TENM3: variants seen among roughly 807,000 people sequenced by gnomAD.
TENM3 encodes teneurin transmembrane protein 3.
A neutral mutation model predicts 255.1 loss-of-function variants in TENM3; 63 were observed. That is an observed-to-expected ratio of 0.25 (90% CI 0.20 to 0.30). The LOEUF is 0.30. Among genes scored for constraint, TENM3 ranks in the 10% least tolerant of loss-of-function variants. The pLI is 1.00. For synonymous variants in TENM3, 1,306 were observed against 1,322.3 expected, an observed-to-expected ratio of 0.99 and a Z score of 0.27; for missense variants, 2,929 against 3,461.1, an observed-to-expected ratio of 0.85 and a Z score of 3.86.
At chr4:181,721,645 A>G in the TENM3 span, among the ~76,000 whole-genome samples, 6 of 150,664 alleles carry the variant, frequency 4.0e-5, no homozygotes, top group Admixed American at 1.3e-4. Context: ...TGGGTAGGGT[A>G]AGATCTGGGG....
chr4:181,548,503 T>G, the TENM3 span, among the ~76,000 whole-genome samples: 14 of 152,270 alleles, frequency 9.2e-5, no homozygotes, highest in East Asian at 2.7e-3. Flanking sequence ...TATCCCAACT[T>G]TTTAACATTT....
chr4:182,226,880 G>C (rs966075616), intron 1 of TENM3, among the ~76,000 whole-genome samples: 2 of 152,108 alleles, frequency 1.3e-5, no homozygotes, highest in Non-Finnish European at 2.9e-5. Context: ...ATATTCACCT[G>C]ACCCATACAT....
At chr4:182,273,592 C>G (rs910902160) in intron 1 of TENM3, among the ~76,000 whole-genome samples, 1 of 152,114 alleles carries the variant, frequency 6.6e-6, no homozygotes, top group Admixed American at 6.5e-5. Flanking sequence ...TTGATTGTAC[C>G]GCATTTCATT....
chr4:181,671,390 A>G, the TENM3 span, among the ~76,000 whole-genome samples: 2 of 152,182 alleles, frequency 1.3e-5, no homozygotes, highest in Non-Finnish European at 2.9e-5. Context: ...GTTTCAGATC[A>G]TCTGGATCTC....
chr4:182,362,054 T>C (rs1209175470), intron 3 of TENM3, among the ~76,000 whole-genome samples: 2 of 152,188 alleles, frequency 1.3e-5, no homozygotes, highest in African/African-American at 4.8e-5. Flanking sequence ...CCGCGAAAGC[T>C]GCTGTCTGAT....
At chr4:182,137,678 TTCTC>T in the TENM3 span, among the ~76,000 whole-genome samples, 1 of 152,336 alleles carries the variant, frequency 6.6e-6, no homozygotes, top group South Asian at 2.1e-4. Context: ...TTGTCTGCCT[TTCTC>T]TCTCGGAGCA....
chr4:181,476,204 GGGTT>G, the TENM3 span, among the ~76,000 whole-genome samples: 1 of 7,224 alleles, frequency 1.4e-4, no homozygotes. Flanking sequence ...GACATTTTAG[GGGTT>G]TTTTTTTTTT....
chr4:182,734,215 A>G (rs747870711), intron 16 of TENM3, among the ~76,000 whole-genome samples: 1 of 152,160 alleles, frequency 6.6e-6, no homozygotes, highest in African/African-American at 2.4e-5. Context: ...AGAGGGAGGA[A>G]AGCACGTTTC....
chr4:182,681,408 G>T (rs1180537354), intron 10 of TENM3, among the ~76,000 whole-genome samples: 3 of 152,184 alleles, frequency 2.0e-5, no homozygotes, highest in Non-Finnish European at 4.4e-5. Context: ...GAATTAAGAA[G>T]GATAGAGAGT....
the TENM3 span, among the ~76,000 whole-genome samples, chr4:181,532,637 G>T: frequency 6.6e-6 from 1 of 152,084 alleles, no homozygotes; most frequent in Admixed American, 6.5e-5. Context: ...TTCTGAGTGT[G>T]CCCCTATTTT....
At chr4:182,488,284 A>G (rs1033552034) in intron 3 of TENM3, among the ~76,000 whole-genome samples, 2 of 152,174 alleles carry the variant, frequency 1.3e-5, no homozygotes, top group Non-Finnish European at 2.9e-5. Flanking sequence ...CCAAATCGAA[A>G]GAGGGTTCTA....
intron 3 of TENM3, among the ~76,000 whole-genome samples, chr4:182,374,826 G>A (rs1249248333): frequency 6.6e-6 from 1 of 152,156 alleles, no homozygotes; most frequent in African/African-American, 2.4e-5. Context: ...CAGGACAGAA[G>A]TTGCATCAAC....
At chr4:182,128,200 C>T in the TENM3 span, among the ~76,000 whole-genome samples, 8 of 151,746 alleles carry the variant, frequency 5.3e-5, no homozygotes, top group East Asian at 1.5e-3. Context: ...ATATGGTAAT[C>T]CATTTTCCAA....
At chr4:182,745,343 A>G (rs1055814975) in intron 19 of TENM3, among the ~76,000 whole-genome samples, 1 of 152,218 alleles carries the variant, frequency 6.6e-6, no homozygotes, top group African/African-American at 2.4e-5. Context: ...AAGCTCTGCT[A>G]TTAGAAACCA....
chr4:182,050,627 A>G, the TENM3 span, among the ~76,000 whole-genome samples: 1 of 152,178 alleles, frequency 6.6e-6, no homozygotes, highest in East Asian at 2.0e-4. Context: ...AACGTGGCAA[A>G]ACTCCATCTC....
intron 2 of TENM3, among the ~76,000 whole-genome samples, chr4:182,326,080 G>A (rs975083764): frequency 4.6e-5 from 7 of 152,218 alleles, no homozygotes; most frequent in African/African-American, 7.2e-5. Context: ...ATCCAAAGGG[G>A]CGGAGGAAAG....
chr4:181,717,028 G>A, the TENM3 span, among the ~76,000 whole-genome samples: 17 of 152,140 alleles, frequency 1.1e-4, no homozygotes, highest in African/African-American at 3.6e-4. Flanking sequence ...TCCTGATACT[G>A]AGTCTTAGAG....
intron 3 of TENM3, among the ~76,000 whole-genome samples, chr4:182,470,412 G>C (rs988296019): frequency 8.5e-5 from 13 of 152,166 alleles, no homozygotes; most frequent in African/African-American, 2.4e-4. Flanking sequence ...CGAAATTCTT[G>C]TTCTCAATTC....
chr4:181,905,542 T>G, the TENM3 span, among the ~76,000 whole-genome samples: 1 of 152,118 alleles, frequency 6.6e-6, no homozygotes, highest in South Asian at 2.1e-4. Flanking sequence ...AGCTTTTTTT[T>G]TTTTTTTTCT....
Sources: allele counts gnomAD v4.1 joint callset (sites outside exome capture counted in the v4.1 genomes callset), GRCh38; gene constraint gnomAD v4.1.1; transcripts MANE v1.5; gene names NCBI Gene and HGNC (gene_info 2026-07-23, HGNC 2026-07-21).